Variants in ATRNL1 observed in about 807,000 individuals in gnomAD.
ATRNL1 encodes attractin like 1, also known as attractin-like protein 1.
ATRNL1 carries 95 observed loss-of-function variants against 182.7 expected under a neutral mutation model. That is an observed-to-expected ratio of 0.52 (90% CI 0.44 to 0.62). The LOEUF is 0.62. Ranked by LOEUF, ATRNL1 falls within the 20% of genes least tolerant of loss-of-function variation. The pLI, the probability that ATRNL1 is intolerant of heterozygous loss-of-function variation, is 0.00. For synonymous variants in ATRNL1, 576 were observed against 568.3 expected, an observed-to-expected ratio of 1.01 and a Z score of -0.19; for missense variants, 1,471 against 1,679.5, an observed-to-expected ratio of 0.88 and a Z score of 2.17.
chr10:115,807,017 A>G (rs1949934838), intron 27 of ATRNL1, among the ~76,000 whole-genome samples: 1 of 152,070 alleles, frequency 6.6e-6, no homozygotes, highest in Admixed American at 6.6e-5. Flanking sequence ...AGTTTTTAAA[A>G]TATTTGCAAA....
At chr10:115,586,533 C>T (rs1855514612) in intron 26 of ATRNL1, among the ~76,000 whole-genome samples, 1 of 95,574 alleles carries the variant, frequency 1.0e-5, no homozygotes, top group Non-Finnish European at 2.4e-5. Context: ...CCCTTTCTTC[C>T]AGTTGTTCGC....
At chr10:115,766,416 C>T (rs1483129036) in intron 27 of ATRNL1, among the ~76,000 whole-genome samples, 2 of 152,156 alleles carry the variant, frequency 1.3e-5, no homozygotes, top group Non-Finnish European at 2.9e-5. Flanking sequence ...ACTAAATGTC[C>T]CTTGTTAAGA....
At chr10:115,197,567 A>T (rs1170791495) in intron 8 of ATRNL1, among the ~76,000 whole-genome samples, 2 of 152,152 alleles carry the variant, frequency 1.3e-5, no homozygotes, top group African/African-American at 2.4e-5. Context: ...AACAAATGAC[A>T]GGGTTTTCTC....
At chr10:115,182,001 C>G (rs1208849854) in intron 8 of ATRNL1, among the ~76,000 whole-genome samples, 4 of 151,628 alleles carry the variant, frequency 2.6e-5, no homozygotes, top group Admixed American at 1.3e-4. Flanking sequence ...CACTAAATCT[C>G]AGACTATGGA....
At chr10:115,850,081 G>A (rs1555100074) in intron 28 of ATRNL1, among the ~76,000 whole-genome samples, 1 of 152,164 alleles carries the variant, frequency 6.6e-6, no homozygotes, top group Non-Finnish European at 1.5e-5. Context: ...TCTTAGAGGA[G>A]TAAGACAGTG....
At chr10:115,297,909 C>T (rs1853285682) in intron 15 of ATRNL1, among the ~76,000 whole-genome samples, 1 of 151,962 alleles carries the variant, frequency 6.6e-6, no homozygotes, top group Non-Finnish European at 1.5e-5. Flanking sequence ...TTTTTCTTCC[C>T]TATTATAAAT....
At chr10:115,331,522 T>C (rs1221187526) in intron 18 of ATRNL1, among the ~76,000 whole-genome samples, 4 of 152,252 alleles carry the variant, frequency 2.6e-5, no homozygotes, top group African/African-American at 9.6e-5. Context: ...AGCTATATTT[T>C]AATTCTTTGA....
intron 24 of ATRNL1, among the ~76,000 whole-genome samples, chr10:115,491,595 C>T (rs938514556): frequency 2.0e-5 from 3 of 152,122 alleles, no homozygotes; most frequent in African/African-American, 7.2e-5. Context: ...ACGCCACTCC[C>T]CCCACCAAGC....
At chr10:115,748,752 T>G (rs1555069865) in intron 27 of ATRNL1, among the ~76,000 whole-genome samples, 5 of 151,986 alleles carry the variant, frequency 3.3e-5, no homozygotes. Context: ...TTACTTAATC[T>G]GTCATCAAAG....
chr10:115,686,799 C>A (rs1282424417), intron 26 of ATRNL1, among the ~76,000 whole-genome samples: 2 of 151,966 alleles, frequency 1.3e-5, no homozygotes, highest in African/African-American at 4.8e-5. Flanking sequence ...CTGATAGAAA[C>A]CTTGACTGCT....
At chr10:115,797,940 C>A (rs975973532) in intron 27 of ATRNL1, among the ~76,000 whole-genome samples, 1 of 151,840 alleles carries the variant, frequency 6.6e-6, no homozygotes, top group Non-Finnish European at 1.5e-5. Context: ...TTTTTTGAGA[C>A]GGAGTCTCGC....
rs192403338 is a variant in ATRNL1, at chr10:115,734,847, T to A, written c.3903+7492T>A. On this transcript the variant is annotated intron_variant, in intron 27 of 28. Transcript: ENST00000355044. ...ATATTCCCTTTTATCCTCAATTGAT[T>A]TGCATGTTATAAAATTTATTTATTT... Among the ~76,000 whole-genome samples, 541 of 152,256 alleles carry A rather than the reference T, an allele frequency of 3.6e-3. 3 individuals are homozygous for A. The highest frequency in any genetic ancestry group is 0.013 in the East Asian group (69 of 5,186).
At chr10:115,460,351 C>T (rs1407473917) in intron 21 of ATRNL1, among the ~76,000 whole-genome samples, 2 of 152,036 alleles carry the variant, frequency 1.3e-5, no homozygotes, top group African/African-American at 4.8e-5. Context: ...CAAGTTCCAT[C>T]GCAGTCAAAC....
At chr10:115,925,559 A>G (rs1012703757) in intron 28 of ATRNL1, among the ~76,000 whole-genome samples, 88 of 152,266 alleles carry the variant, frequency 5.8e-4, no homozygotes, top group African/African-American at 1.9e-3. Context: ...AAAGTCATGC[A>G]GGAAAATTTA....
intron 24 of ATRNL1, among the ~76,000 whole-genome samples, chr10:115,472,876 G>T (rs1455470415): frequency 6.6e-6 from 1 of 151,048 alleles, no homozygotes; most frequent in African/African-American, 2.4e-5. Flanking sequence ...CCAGTCCTAT[G>T]TTGAATAGAA....
At chr10:115,270,711 G>A (rs987579300) in intron 13 of ATRNL1, among the ~76,000 whole-genome samples, 5 of 151,704 alleles carry the variant, frequency 3.3e-5, no homozygotes, top group African/African-American at 1.2e-4. Flanking sequence ...CTTGGATGAC[G>A]CCCACCATAG....
At chr10:115,498,989 G>T (rs1340008752) in intron 24 of ATRNL1, among the ~76,000 whole-genome samples, 1 of 151,884 alleles carries the variant, frequency 6.6e-6, no homozygotes, top group Non-Finnish European at 1.5e-5. Context: ...TGCAGAAAAA[G>T]ATAGGTTATG....
chr10:115,936,152 G>A (rs1377876395), intron 28 of ATRNL1, among the ~76,000 whole-genome samples: 2 of 152,238 alleles, frequency 1.3e-5, no homozygotes, highest in Non-Finnish European at 2.9e-5. Flanking sequence ...TGCGTGCCCA[G>A]AGTTTTGTCT....
At chr10:115,821,457 G>A (rs181866432) in intron 27 of ATRNL1, among the ~76,000 whole-genome samples, 12 of 152,062 alleles carry the variant, frequency 7.9e-5, no homozygotes, top group Non-Finnish European at 1.5e-4. Flanking sequence ...AAGTGTAAAC[G>A]GGCCAAATGC....
Sources: gnomAD v4.1 joint callset for allele counts (sites outside exome capture counted in the v4.1 genomes callset) on GRCh38, gnomAD v4.1.1 for gene constraint, MANE v1.5 for transcripts, NCBI Gene and HGNC (gene_info 2026-07-23, HGNC 2026-07-21) for gene names.